Variants in CNGA1 observed in about 807,000 individuals in gnomAD.
CNGA1 encodes the protein cyclic nucleotide gated channel subunit alpha 1, also known as cyclic nucleotide-gated channel alpha-1.
Under a neutral mutation model 69.7 loss-of-function variants are expected in CNGA1, and 53 were observed. The observed-to-expected ratio is 0.76, with a 90% CI of 0.61 to 0.96. CNGA1 has a LOEUF of 0.96. CNGA1 is among the 40% of genes least tolerant of loss of function. The pLI, the probability that CNGA1 is intolerant of heterozygous loss-of-function variation, is 0.00. For missense variants in CNGA1, 739 were observed against 811.2 expected, an observed-to-expected ratio of 0.91 and a Z score of 1.08; for synonymous variants, 249 against 283.5, an observed-to-expected ratio of 0.88 and a Z score of 1.22.
At chr4:47,961,628 C>T (rs1430832674) in intron 3 of CNGA1, among the ~76,000 whole-genome samples, 3 of 152,150 alleles carry the variant, frequency 2.0e-5, no homozygotes, top group Non-Finnish European at 4.4e-5. Context: ...CCTGTGGTCT[C>T]AGCTATTCAG....
At chr4:47,959,101 A>G (rs1406961038) in intron 3 of CNGA1, 2 of 152,220 alleles carry the variant, frequency 1.3e-5, no homozygotes, top group African/African-American at 4.8e-5. Context: ...TGAAGCATGG[A>G]GATTTTGAGA....
intron 2 of CNGA1, among the ~76,000 whole-genome samples, chr4:47,996,575 T>C (rs944846321): frequency 2.6e-5 from 4 of 152,122 alleles, no homozygotes; most frequent in African/African-American, 7.2e-5. Context: ...TTAATTACAG[T>C]AAATATTAAG....
chr4:47,938,623 C>T (rs1738844035), intron 10 of CNGA1, among the ~76,000 whole-genome samples: 1 of 152,128 alleles, frequency 6.6e-6, no homozygotes, highest in African/African-American at 2.4e-5. Context: ...GATCTCCTGA[C>T]CTCGTGATCC....
rs139022292 is a variant in CNGA1 at position 48,000,224 on chromosome 4, C to G, written c.-123+10570G>C. On this transcript the variant is annotated intron_variant, in intron 2 of 10. Coordinates refer to ENST00000514170, the MANE Select transcript of CNGA1 (RefSeq NM_001379270.1). ...TACCCTAGAAGCAAGGAGGTAAAAA[C>G]AAATATTTGAAGAAATAATGTCCAA... 1.9e-3 allele frequency among the ~76,000 whole-genome samples: 287 copies of G among 152,138 alleles called. 1 individual carries two copies. Among genetic ancestry groups the G allele is most frequent in the African/African-American group, 6.7e-3 (279 of 41,510 alleles).
intron 5 of CNGA1, among the ~76,000 whole-genome samples, chr4:47,951,059 G>A (rs1421331476): frequency 1.3e-5 from 2 of 152,194 alleles, no homozygotes; most frequent in African/African-American, 2.4e-5. Context: ...AATAATCATC[G>A]GGCAGTGGCA....
intron 1 of CNGA1, among the ~76,000 whole-genome samples, 162 bp downstream of exon 1, chr4:48,016,321 G>C (rs2109361771): frequency 6.6e-6 from 1 of 152,260 alleles, no homozygotes; most frequent in African/African-American, 2.4e-5. Context: ...CCTGGCAATC[G>C]GCGCAGAACC....
At chr4:48,004,377 CTCTT>C (rs1714810430) in intron 2 of CNGA1, among the ~76,000 whole-genome samples, 1 of 152,158 alleles carries the variant, frequency 6.6e-6, no homozygotes, top group South Asian at 2.1e-4. Flanking sequence ...TTTTTTTAAT[CTCTT>C]TGTCTTGTGC....
intron 3 of CNGA1, among the ~76,000 whole-genome samples, chr4:47,976,912 G>A (rs1741447561): frequency 6.6e-6 from 1 of 152,180 alleles, no homozygotes; most frequent in South Asian, 2.1e-4. Context: ...ACAATATCAC[G>A]TGTGCATAGG....
In CNGA1 at chr4:47,955,560, G is replaced by T. The variant is rs79384731; in HGVS notation, c.-14-2857C>A. On this transcript the variant is annotated intron_variant, in intron 3 of 10. Transcript: ENST00000514170. ...TAAGGTACAAAGTGGTGTTCCAGCT[G>T]CAGTTCCCTGCCTGAGCCATGCTGT... Among the ~76,000 whole-genome samples, 581 of 152,228 alleles carry T rather than the reference G, an allele frequency of 3.8e-3. 4 individuals are homozygous for T. The highest frequency in any genetic ancestry group is 5.8e-3 in the Non-Finnish European group (397 of 68,020).
chr4:47,994,602 G>C (rs1578121110), intron 2 of CNGA1, among the ~76,000 whole-genome samples: 1 of 152,110 alleles, frequency 6.6e-6, no homozygotes, highest in Non-Finnish European at 1.5e-5. Flanking sequence ...CAGACAGTTG[G>C]TTGGTGAATT....
At chr4:48,012,180 C>T (rs1029594423) in intron 1 of CNGA1, among the ~76,000 whole-genome samples, 16 of 152,128 alleles carry the variant, frequency 1.1e-4, no homozygotes, top group African/African-American at 3.9e-4. Context: ...AAATAAAACC[C>T]TTCTGATGAG....
At position 47,936,786 on chromosome 4, in the gene CNGA1, A is replaced by G; in HGVS notation, c.1696T>C (p.Tyr566His). 1 of 1,614,170 alleles carries G rather than the reference A, an allele frequency of 6.2e-7. No individual in the cohort carries two copies. The highest frequency in any genetic ancestry group is 2.2e-5 in the East Asian group (1 of 44,884). ...TTTGAGAGACAGAACAGGTCTGAGT[A>G]GCCAATACTTTTAATATTGGCCGTT... Reference protein sequence around the residue: ...RRTANIKSIGYSDLFCLSKDD... With the variant: ...RRTANIKSIGHSDLFCLSKDD... Residue 566 changes from tyrosine to histidine, a missense_variant, in exon 11 of 11, where the codon TAC becomes CAC. Coordinates refer to ENST00000514170, the MANE Select transcript of CNGA1 (RefSeq NM_001379270.1).
intron 3 of CNGA1, among the ~76,000 whole-genome samples, chr4:47,971,908 A>G (rs1349146906): frequency 1.2e-5 from 1 of 85,506 alleles, no homozygotes; most frequent in East Asian, 3.6e-4. Context: ...AAACAAACAA[A>G]CAAACAAACA....
At chr4:47,990,321 G>C (rs575866992) in intron 2 of CNGA1, among the ~76,000 whole-genome samples, 1 of 152,026 alleles carries the variant, frequency 6.6e-6, no homozygotes, top group African/African-American at 2.4e-5. Context: ...GCATTCTTGG[G>C]GGGAGGTCTA....
At chr4:47,972,178 A>G (rs750362545) in intron 3 of CNGA1, among the ~76,000 whole-genome samples, 1 of 152,228 alleles carries the variant, frequency 6.6e-6, no homozygotes, top group East Asian at 1.9e-4. Context: ...GCTAATATAC[A>G]TACAGCTGTT....
At chr4:47,945,755 A>G (rs1739359926) in intron 6 of CNGA1, among the ~76,000 whole-genome samples, 1 of 152,212 alleles carries the variant, frequency 6.6e-6, no homozygotes, top group Non-Finnish European at 1.5e-5. Context: ...AAAATCATGC[A>G]TGGAGGAGTG....
intron 9 of CNGA1, 103 bp from the exon 10 acceptor site, chr4:47,940,972 C>G: frequency 2.6e-6 from 2 of 760,342 alleles, no homozygotes; most frequent in South Asian, 3.1e-5. Context: ...AAGCACAGCA[C>G]ACTCAGGCTA....
rs1397351200 is a variant in CNGA1 at position 47,937,122 on chromosome 4, G to A, written c.1360C>T (p.Pro454Ser). The change falls in exon 11 of 11, where the codon CCT becomes TCT. Residue 454 changes from proline (P) to serine (S), a missense_variant. Physicochemically the swap from Pro to Ser is moderately conservative, Grantham distance 74 (BLOSUM62 -1). Coordinates refer to ENST00000514170, the MANE Select transcript of CNGA1 (RefSeq NM_001379270.1). Reference protein sequence around the residue: ...VDEKEVLKYLPDKLRAEIAIN... With the variant: ...VDEKEVLKYLSDKLRAEIAIN... ...GCAATTTCTGCTCTTAGTTTATCAGGTAGATACTTTAAGACTTCTTTCTCA... is the reference window on the plus strand; with the variant it reads ...GCAATTTCTGCTCTTAGTTTATCAGATAGATACTTTAAGACTTCTTTCTCA... 17 of 1,614,122 alleles carry A rather than the reference G, an allele frequency of 1.1e-5. No homozygotes were observed. Among genetic ancestry groups the A allele is most frequent in the Non-Finnish European group, 1.4e-5 (16 of 1,180,026 alleles).
Position 47,936,248 on chromosome 4 carries a change from A to G in CNGA1, c.*173T>C, listed in dbSNP as rs1738629810. ...AATCCCAAGATATAAAGCTTTTTTA[A>G]TCATAGTATCTCTCAGAGAGGGTGT... On this transcript the variant is annotated 3_prime_UTR_variant, in exon 11 of 11. Coordinates refer to ENST00000514170, the MANE Select transcript of CNGA1 (RefSeq NM_001379270.1). The G allele has an allele frequency of 1.5e-6, 1 of 650,434 alleles. No homozygotes were observed. The highest frequency in any genetic ancestry group is 2.8e-5 in the Admixed American group (1 of 35,230). The allele number at this position is 650,434 out of a possible 1,614,324, so 40.3% of individuals were successfully genotyped here. A position where few individuals can be genotyped will look rare whatever the true frequency, so the allele number is the denominator to read the frequency against.
Sources: gnomAD v4.1 joint callset for allele counts (sites outside exome capture counted in the v4.1 genomes callset) on GRCh38, gnomAD v4.1.1 for gene constraint, MANE v1.5 for transcripts, NCBI Gene and HGNC (gene_info 2026-07-23, HGNC 2026-07-21) for gene names.